ZBTB7C: variants seen among roughly 807,000 people sequenced by gnomAD.
ZBTB7C encodes zinc finger and BTB domain-containing protein 7C.
In ZBTB7C, 8 loss-of-function variants were observed where a neutral mutation model predicts 25.7. The observed-to-expected ratio is 0.31, with a 90% CI of 0.18 to 0.56. The LOEUF (loss-of-function observed/expected upper bound fraction) is 0.56. Among genes scored for constraint, ZBTB7C ranks in the 20% least tolerant of loss-of-function variants. The pLI is 0.91. For synonymous variants in ZBTB7C, 394 were observed against 369.0 expected (o/e 1.07, Z -0.78); for missense variants, 824 against 855.2 (o/e 0.96, Z 0.46).
rs1377094885 is a variant in ZBTB7C at position 48,027,824 on chromosome 18, G to C, written c.*1436C>G. 6.6e-6 allele frequency: 1 copy of C among 152,262 alleles called. No individual in the cohort carries two copies. Among genetic ancestry groups the C allele is most frequent in the African/African-American group, 2.4e-5 (1 of 41,448 alleles). 9.4% of individuals were successfully genotyped at this position (152,262 alleles called of 1,614,324 possible). On this transcript the variant is annotated 3_prime_UTR_variant, in exon 5 of 5. Coordinates refer to ENST00000590800, the MANE Select transcript of ZBTB7C (RefSeq NM_001318841.2). ...AAGCAAACTTGGCAAGAAAAGAGAGGGGAGGGAAGGAGAGAGAAGGTCAGG... is the reference window on the plus strand; with the variant it reads ...AAGCAAACTTGGCAAGAAAAGAGAGCGGAGGGAAGGAGAGAGAAGGTCAGG...
intron 1 of ZBTB7C, among the ~76,000 whole-genome samples, chr18:48,402,808 T>G (rs1046060293): frequency 6.6e-6 from 1 of 152,224 alleles, no homozygotes; most frequent in Non-Finnish European, 1.5e-5. Context: ...ATGTGGGTGT[T>G]GTAGGATGTT....
intron 3 of ZBTB7C, among the ~76,000 whole-genome samples, chr18:48,053,508 T>C (rs913228463): frequency 2.6e-5 from 4 of 152,190 alleles, no homozygotes; most frequent in African/African-American, 9.7e-5. Context: ...CATTTATATT[T>C]ATATTTATAT....
At chr18:48,272,734 C>T (rs929593791) in intron 2 of ZBTB7C, among the ~76,000 whole-genome samples, 1 of 151,970 alleles carries the variant, frequency 6.6e-6, no homozygotes, top group Admixed American at 6.6e-5. Context: ...TGATAATAAT[C>T]AAAAAGTGGA....
chr18:48,117,942 G>T (rs1198088369), intron 3 of ZBTB7C, among the ~76,000 whole-genome samples: 1 of 151,638 alleles, frequency 6.6e-6, no homozygotes, highest in African/African-American at 2.4e-5. Context: ...AGGCATCTTG[G>T]AGCTTTTAAC....
chr18:48,108,148 T>C (rs9946730), intron 3 of ZBTB7C, among the ~76,000 whole-genome samples: 82,188 of 151,834 alleles, frequency 0.54, 23,612 homozygotes, highest in African/African-American at 0.75. Flanking sequence ...TCTATTCTAA[T>C]GGCCCTATTT....
chr18:48,087,440 T>C (rs992084946), intron 3 of ZBTB7C, among the ~76,000 whole-genome samples: 1 of 152,180 alleles, frequency 6.6e-6, no homozygotes, highest in African/African-American at 2.4e-5. Context: ...CTTCTCAGAT[T>C]TGATTCCAAG....
intron 1 of ZBTB7C, among the ~76,000 whole-genome samples, chr18:48,389,224 CTCTCTCTCTCTCGTGTGTGTGT>C (rs1250584135): frequency 3.0e-4 from 37 of 124,340 alleles, no homozygotes; most frequent in African/African-American, 9.6e-4. Context: ...CTCTCTCTCT[CTCTCTCTCTCTCGTGTGTGTGT>C]GTGTGTGTGT....
chr18:48,278,024 A>G (rs1013717036), intron 2 of ZBTB7C, among the ~76,000 whole-genome samples: 1 of 152,068 alleles, frequency 6.6e-6, no homozygotes, highest in Admixed American at 6.5e-5. Context: ...CCTGTGATAG[A>G]CTATTTCCAA....
chr18:48,183,444 ACTGT>A (rs2041978436), intron 3 of ZBTB7C, among the ~76,000 whole-genome samples: 1 of 152,238 alleles, frequency 6.6e-6, no homozygotes, highest in African/African-American at 2.4e-5. Context: ...TTGAGACGAT[ACTGT>A]CTGTTAAGAA....
At chr18:48,264,533 T>A (rs2044257379) in intron 2 of ZBTB7C, among the ~76,000 whole-genome samples, 1 of 152,080 alleles carries the variant, frequency 6.6e-6, no homozygotes, top group African/African-American at 2.4e-5. Context: ...TCAGACACGA[T>A]CCAGGTTTCA....
intron 3 of ZBTB7C, among the ~76,000 whole-genome samples, chr18:48,177,271 G>A (rs2041712414): frequency 6.6e-6 from 1 of 152,074 alleles, no homozygotes; most frequent in Non-Finnish European, 1.5e-5. Flanking sequence ...TAGAACTCAG[G>A]CCCTCCTGCT....
intron 2 of ZBTB7C, among the ~76,000 whole-genome samples, chr18:48,304,192 T>C (rs2045611952): frequency 6.6e-6 from 1 of 152,236 alleles, no homozygotes; most frequent in African/African-American, 2.4e-5. Context: ...CTGCTTCTAA[T>C]GTTCTGATCC....
In ZBTB7C at chr18:48,328,038, C is replaced by T. The variant is rs573174871; in HGVS notation, c.-79+10136G>A. 2.9e-4 allele frequency among the ~76,000 whole-genome samples: 44 copies of T among 151,932 alleles called. 1 individual carries two copies. The South Asian group carries it at 7.5e-3, about 26-fold the overall frequency. ...CCTGGCTAACACGGTGAAAATTAGC[C>T]GGGCGTGGTGGCGGGTGCCTGTAGT... On this transcript the variant is annotated intron_variant, in intron 2 of 4. Transcript: ENST00000590800.
In ZBTB7C at chr18:48,152,641, T is replaced by C. The variant is rs190003515; in HGVS notation, c.-17+33293A>G. 1.6e-4 allele frequency among the ~76,000 whole-genome samples: 25 copies of C among 152,328 alleles called. No homozygotes were observed. In the East Asian group the frequency reaches 2.7e-3, roughly 16 times the overall value. On this transcript the variant is annotated intron_variant, in intron 3 of 4. Transcript: ENST00000590800. ...GGCAGGAAGCCTGGTGCTGAGGTGT[T>C]CAGAGTCACTGCCCTCCACAGATGA...
At chr18:48,099,799 G>A (rs968729401) in intron 3 of ZBTB7C, among the ~76,000 whole-genome samples, 1 of 152,170 alleles carries the variant, frequency 6.6e-6, no homozygotes, top group Non-Finnish European at 1.5e-5. Context: ...CACCCACCAG[G>A]ACAGGTACAG....
intron 1 of ZBTB7C, among the ~76,000 whole-genome samples, chr18:48,373,960 CAA>C (rs34811374): frequency 2.9e-5 from 4 of 139,452 alleles, no homozygotes; most frequent in African/African-American, 2.8e-5. Context: ...GACTCTGTCT[CAA>C]AAAAAAAAAA....
intron 3 of ZBTB7C, among the ~76,000 whole-genome samples, chr18:48,078,113 G>C (rs557583546): frequency 4.6e-5 from 7 of 152,194 alleles, no homozygotes; most frequent in African/African-American, 1.7e-4. Context: ...TGGAGGTGAT[G>C]GGAGATTTGT....
chr18:48,345,693 C>T (rs570181486), intron 1 of ZBTB7C, among the ~76,000 whole-genome samples: 2 of 152,012 alleles, frequency 1.3e-5, no homozygotes, highest in African/African-American at 4.8e-5. Flanking sequence ...GCTCCGACCT[C>T]TGGGAGGCTG....
chr18:48,213,625 G>A (rs1214314585), intron 2 of ZBTB7C, among the ~76,000 whole-genome samples: 1 of 152,192 alleles, frequency 6.6e-6, no homozygotes, highest in Non-Finnish European at 1.5e-5. Flanking sequence ...TGAAAAGAAA[G>A]CAGCTACATT....
Sources: gnomAD v4.1 joint callset for allele counts (sites outside exome capture counted in the v4.1 genomes callset) on GRCh38, gnomAD v4.1.1 for gene constraint, MANE v1.5 for transcripts, NCBI Gene and HGNC (gene_info 2026-07-23, HGNC 2026-07-21) for gene names.